The following ZNF407 variants were observed in gnomAD, a reference collection of about 807,000 sequenced individuals.
ZNF407 encodes the protein zinc finger protein 407.
A neutral mutation model predicts 131.2 loss-of-function variants in ZNF407; 17 were observed. That is an observed-to-expected ratio of 0.13 (90% CI 0.09 to 0.19). ZNF407 has a LOEUF of 0.19. Among genes scored for constraint, ZNF407 ranks in the 10% least tolerant of loss-of-function variants. ZNF407 has a pLI of 1.00. For missense variants in ZNF407, 2,681 were observed against 2,830.6 expected (o/e 0.95, Z 1.20); for synonymous variants, 1,156 against 1,062.0 (o/e 1.09, Z -1.72).
rs573561447 is a variant in ZNF407 at position 75,015,006 on chromosome 18, A to G, written c.5429-48144A>G. On this transcript the variant is annotated intron_variant, in intron 8 of 8. Transcript: ENST00000299687. ...GAACCTGAATGGATTAATTGTTTCA[A>G]TTGAAACAGTAGATTATACATTCCT... Among the ~76,000 whole-genome samples, 38 of 152,232 alleles carry G rather than the reference A, an allele frequency of 2.5e-4. No individual in the cohort carries two copies. The Middle Eastern group carries it at 0.014, about 55-fold the overall frequency.
Position 74,877,335 on chromosome 18 carries a change from A to G in ZNF407, c.5016A>G (p.Ala1672=), listed in dbSNP as rs1971172970. The G allele has an allele frequency of 6.2e-7, 1 of 1,613,580 alleles. No individual in the cohort carries two copies. The highest frequency in any genetic ancestry group is 1.8e-4 in the Middle Eastern group (1 of 5,704). The change falls in exon 5 of 9, where the codon GCA becomes GCG. Residue 1672 remains alanine, a synonymous_variant. Transcript: ENST00000299687. ...TCHYSFLTAS[A]MKDHYRTHTG... The stretch of plus-strand genomic sequence containing the variant: ...ATTACTCATTCCTCACAGCCTCCGC[A>G]ATGAAAGACCACTACAGGACGCACA...
At chr18:74,779,109 A>ATATATATATTTT (rs397943457) in intron 3 of ZNF407, among the ~76,000 whole-genome samples, 2 of 24,374 alleles carry the variant, frequency 8.2e-5, no homozygotes, top group African/African-American at 2.8e-4. Flanking sequence ...ATATATATAT[A>ATATATATATTTT]TTTTTTTTTT....
At chr18:74,644,009 C>T (rs767016553) in intron 3 of ZNF407, among the ~76,000 whole-genome samples, 37 of 151,964 alleles carry the variant, frequency 2.4e-4, no homozygotes, top group African/African-American at 2.2e-4. Context: ...CCTATTAGGT[C>T]GTTAGGATTA....
chr18:74,632,706 G>A lies in ZNF407; in HGVS notation c.1687G>A (p.Asp563Asn), dbSNP rs1463165044. 6.2e-7 allele frequency: 1 copy of A among 1,613,898 alleles called. No individual in the cohort carries two copies. The highest frequency in any genetic ancestry group is 8.5e-7 in the Non-Finnish European group (1 of 1,179,900). Residue 563 changes from aspartate to asparagine, a missense_variant, in exon 2 of 9, where the codon GAC (aspartate) becomes AAC (asparagine). By Grantham distance (23) the Asp-to-Asn change is conservative. Around this residue, in one of 6 missense-constraint regions of ZNF407, gnomAD observed 1,789 missense variants for 1,748.7 expected, o/e 1.02. Transcript: ENST00000299687. ...REMKFYCRTC[D>N]FSSMSRRDLD... ...GATGAAATTTTACTGCCGTACTTGTGACTTCTCTAGTATGTCAAGAAGGGA... is the reference window on the plus strand; with the variant it reads ...GATGAAATTTTACTGCCGTACTTGTAACTTCTCTAGTATGTCAAGAAGGGA...
At chr18:74,598,800 C>T (rs955850978) in intron 1 of ZNF407, among the ~76,000 whole-genome samples, 8 of 152,236 alleles carry the variant, frequency 5.3e-5, no homozygotes, top group Middle Eastern at 3.2e-3. Context: ...GCTTGGCCTC[C>T]TTCTGGAGTT....
At chr18:74,638,646 TAGAG>T (rs1984570571) in intron 2 of ZNF407, among the ~76,000 whole-genome samples, 1 of 152,174 alleles carries the variant, frequency 6.6e-6, no homozygotes, top group South Asian at 2.1e-4. Context: ...ACCACAAAGA[TAGAG>T]AGCCTCTTTA....
intron 3 of ZNF407, among the ~76,000 whole-genome samples, chr18:74,770,817 TATA>T (rs1324840812): frequency 6.6e-6 from 1 of 152,156 alleles, no homozygotes; most frequent in South Asian, 2.1e-4. Flanking sequence ...GCTAGCATTT[TATA>T]ATATCTAAAA....
At chr18:74,695,753 G>A (rs1967339282) in intron 3 of ZNF407, among the ~76,000 whole-genome samples, 1 of 152,094 alleles carries the variant, frequency 6.6e-6, no homozygotes, top group Admixed American at 6.5e-5. Flanking sequence ...TCTTCCCCAT[G>A]ATTTTGTTCT....
chr18:74,680,446 A>G (rs1286110678), intron 3 of ZNF407, among the ~76,000 whole-genome samples: 1 of 151,888 alleles, frequency 6.6e-6, no homozygotes, highest in Non-Finnish European at 1.5e-5. Context: ...CAAATCAGGG[A>G]AAAAAATTGA....
At chr18:74,801,175 T>C (rs191340186) in intron 4 of ZNF407, among the ~76,000 whole-genome samples, 2 of 152,208 alleles carry the variant, frequency 1.3e-5, no homozygotes, top group African/African-American at 4.8e-5. Flanking sequence ...TCATCAATTA[T>C]CAACTAATTT....
At chr18:74,966,800 A>T (rs190736574) in intron 8 of ZNF407, among the ~76,000 whole-genome samples, 1 of 151,600 alleles carries the variant, frequency 6.6e-6, no homozygotes, top group African/African-American at 2.4e-5. Flanking sequence ...AATGTGGAAT[A>T]TGTTTTCATT....
intron 1 of ZNF407, among the ~76,000 whole-genome samples, chr18:74,600,002 G>A (rs960838968): frequency 3.9e-5 from 6 of 152,174 alleles, no homozygotes; most frequent in Non-Finnish European, 7.3e-5. Flanking sequence ...ATGCATTCAG[G>A]AAACATTTAC....
At chr18:74,660,990 T>C (rs2144730640) in intron 3 of ZNF407, among the ~76,000 whole-genome samples, 1 of 152,288 alleles carries the variant, frequency 6.6e-6, no homozygotes, top group East Asian at 1.9e-4. Context: ...CATGCTATTA[T>C]CTATTAAAAG....
intron 7 of ZNF407, among the ~76,000 whole-genome samples, chr18:74,908,730 A>G (rs1971628485): frequency 6.6e-6 from 1 of 152,172 alleles, no homozygotes; most frequent in Admixed American, 6.5e-5. Flanking sequence ...GTTATAAAGG[A>G]GTATATATCT....
chr18:74,757,111 A>C (rs986999195), intron 3 of ZNF407, among the ~76,000 whole-genome samples: 12 of 151,878 alleles, frequency 7.9e-5, no homozygotes, highest in African/African-American at 2.9e-4. Context: ...TTTTTATTTC[A>C]TCCCTTCTGC....
intron 3 of ZNF407, among the ~76,000 whole-genome samples, chr18:74,756,420 A>G (rs548232207): frequency 2.6e-5 from 4 of 152,324 alleles, no homozygotes; most frequent in Non-Finnish European, 5.9e-5. Context: ...GTATTGTCAC[A>G]TAAAGTATAT....
chr18:74,694,913 G>A (rs1967315469), intron 3 of ZNF407, among the ~76,000 whole-genome samples: 1 of 152,062 alleles, frequency 6.6e-6, no homozygotes, highest in African/African-American at 2.4e-5. Context: ...ATACAATTCT[G>A]TATAATGGTA....
chr18:74,753,344 C>T (rs1254554335), intron 3 of ZNF407, among the ~76,000 whole-genome samples: 1 of 152,142 alleles, frequency 6.6e-6, no homozygotes, highest in Non-Finnish European at 1.5e-5. Context: ...ATTGAATATC[C>T]TTTATTTCTT....
At chr18:75,018,640 AC>A (rs1465271250) in intron 8 of ZNF407, among the ~76,000 whole-genome samples, 2 of 152,064 alleles carry the variant, frequency 1.3e-5, no homozygotes, top group African/African-American at 4.8e-5. Context: ...AAATTAGCAA[AC>A]CTTACAAATC....
Sources: allele counts gnomAD v4.1 joint callset (sites outside exome capture counted in the v4.1 genomes callset), GRCh38; gene constraint gnomAD v4.1.1; regional missense constraint gnomAD v4.1.1; transcripts MANE v1.5; gene names NCBI Gene and HGNC (gene_info 2026-07-23, HGNC 2026-07-21).